The following PLEKHM3 variants were observed in gnomAD, a reference collection of about 807,000 sequenced individuals.
PLEKHM3 encodes pleckstrin homology domain containing M3, also known as pleckstrin homology domain-containing family M member 3.
In PLEKHM3, 45 loss-of-function variants were observed where a neutral mutation model predicts 81.8. The observed-to-expected ratio is 0.55, with a 90% confidence interval of 0.43 to 0.71. The LOEUF (loss-of-function observed/expected upper bound fraction) is 0.71. PLEKHM3 is among the 30% of genes least tolerant of loss of function. The pLI is 0.00. For missense variants in PLEKHM3, 788 were observed against 924.3 expected, an observed-to-expected ratio of 0.85 and a Z score of 1.91; for synonymous variants, 352 against 356.4, an observed-to-expected ratio of 0.99 and a Z score of 0.14.
chr2:207,841,480 A>AATATATAT (rs769138417), intron 7 of PLEKHM3, among the ~76,000 whole-genome samples: 1,353 of 36,708 alleles, frequency 0.037, 29 homozygotes, highest in Non-Finnish European at 0.043. Context: ...AAAAAAAAAA[A>AATATATAT]ATATATATAT....
At chr2:207,957,431 G>T (rs1256635689) in intron 3 of PLEKHM3, among the ~76,000 whole-genome samples, 2 of 152,216 alleles carry the variant, frequency 1.3e-5, no homozygotes, top group Non-Finnish European at 2.9e-5. Context: ...GGGCGCGGTG[G>T]CTCACGCCTG....
chr2:207,880,787 A>AAAAAAAAAAAAC (rs2092586482), intron 6 of PLEKHM3, among the ~76,000 whole-genome samples: 1 of 113,148 alleles, frequency 8.8e-6, no homozygotes, highest in African/African-American at 3.1e-5. Flanking sequence ...AAAAAAAAAA[A>AAAAAAAAAAAAC]ACCAAAAAAA....
chr2:207,996,217 T>C (rs973022052), intron 2 of PLEKHM3, among the ~76,000 whole-genome samples: 2 of 151,852 alleles, frequency 1.3e-5, no homozygotes, highest in Non-Finnish European at 2.9e-5. Context: ...AAATCAAAAG[T>C]GTTTGATTTT....
intron 6 of PLEKHM3, among the ~76,000 whole-genome samples, chr2:207,896,703 C>T (rs1042985188): frequency 1.3e-5 from 2 of 152,192 alleles, no homozygotes; most frequent in Non-Finnish European, 2.9e-5. Flanking sequence ...TCCCCTACTG[C>T]AAGGGAAGAA....
rs577806550 is a variant in PLEKHM3, at chr2:207,899,452, C to T, written c.1950+9062G>A. ...TCTAGTCCGTTTCTGAGAAAATGTG[C>T]CCTTTCAATTTCAGGGGTAACATGG... On this transcript the variant is annotated intron_variant, in intron 6 of 7. Coordinates refer to ENST00000427836, the MANE Select transcript of PLEKHM3 (RefSeq NM_001080475.3). Among the ~76,000 whole-genome samples the T allele has an allele frequency of 2.0e-5, 3 of 152,182 alleles. No individual in the cohort carries two copies. The South Asian group carries it at 6.2e-4, about 32-fold the overall frequency.
At chr2:207,993,434 G>C (rs1234848990) in intron 2 of PLEKHM3, among the ~76,000 whole-genome samples, 1 of 151,598 alleles carries the variant, frequency 6.6e-6, no homozygotes, top group Admixed American at 6.6e-5. Flanking sequence ...ACCTCTACTG[G>C]CTCCAAGGCT....
chr2:207,970,176 G>GA (rs964425735), intron 3 of PLEKHM3, among the ~76,000 whole-genome samples: 8 of 151,806 alleles, frequency 5.3e-5, no homozygotes, highest in African/African-American at 1.7e-4. Flanking sequence ...AGCTTTGGGG[G>GA]AAAAAATGCA....
intron 4 of PLEKHM3, among the ~76,000 whole-genome samples, chr2:207,936,708 T>C (rs1689764477): frequency 6.6e-6 from 1 of 152,174 alleles, no homozygotes; most frequent in Non-Finnish European, 1.5e-5. Context: ...GGAAGTTATC[T>C]ACAGATAGTT....
chr2:207,923,892 T>C (rs1326864437), intron 5 of PLEKHM3, among the ~76,000 whole-genome samples: 9 of 78,422 alleles, frequency 1.1e-4, no homozygotes, highest in African/African-American at 3.3e-4. Context: ...TATATATATA[T>C]ATATATATAT....
At chr2:207,833,111 C>CAAA (rs71036960) in intron 7 of PLEKHM3, among the ~76,000 whole-genome samples, 18 of 76,782 alleles carry the variant, frequency 2.3e-4, no homozygotes, top group East Asian at 3.5e-4. Flanking sequence ...GACACCATCT[C>CAAA]AAAAAAAAAA....
chr2:207,897,243 G>T (rs1688255936), intron 6 of PLEKHM3, among the ~76,000 whole-genome samples: 2 of 152,170 alleles, frequency 1.3e-5, no homozygotes, highest in Non-Finnish European at 2.9e-5. Flanking sequence ...CGGAACATGA[G>T]GGGGAAAACT....
intron 5 of PLEKHM3, among the ~76,000 whole-genome samples, chr2:207,917,581 G>A (rs1689032568): frequency 1.3e-5 from 2 of 152,074 alleles, no homozygotes; most frequent in South Asian, 2.1e-4. Flanking sequence ...GGTGGCTCAC[G>A]CTTGTAATCC....
Position 207,835,348 on chromosome 2 carries a change from G to A in PLEKHM3, c.2109-6852C>T, listed in dbSNP as rs938312592. 7.2e-5 allele frequency among the ~76,000 whole-genome samples: 11 copies of A among 152,258 alleles called. No homozygotes were observed. The East Asian group carries it at 9.7e-4, about 13-fold the overall frequency. Reference sequence around the variant, plus strand: ...GAGTGAGGAGCCCCGAGTCCTTGGCGCAGGTTGGCCTTGGTGTCACAGGGG... The same window carrying A: ...GAGTGAGGAGCCCCGAGTCCTTGGCACAGGTTGGCCTTGGTGTCACAGGGG... On this transcript the variant is annotated intron_variant, in intron 7 of 7. Transcript: ENST00000427836.
At chr2:207,945,698 T>C (rs1690100446) in intron 4 of PLEKHM3, among the ~76,000 whole-genome samples, 1 of 152,180 alleles carries the variant, frequency 6.6e-6, no homozygotes, top group South Asian at 2.1e-4. Context: ...GGTCACGAGT[T>C]TGAGACCAGC....
At chr2:208,011,082 A>C (rs1373663231) in intron 1 of PLEKHM3, among the ~76,000 whole-genome samples, 1 of 150,806 alleles carries the variant, frequency 6.6e-6, no homozygotes, top group Non-Finnish European at 1.5e-5. Context: ...AAAAAAAAAA[A>C]ACAAAATAGA....
At chr2:207,924,893 G>A (rs1463602030) in intron 5 of PLEKHM3, among the ~76,000 whole-genome samples, 3 of 152,100 alleles carry the variant, frequency 2.0e-5, no homozygotes, top group African/African-American at 7.2e-5. Context: ...GGAGAAGGGG[G>A]AGACTCGGAC....
At chr2:207,834,423 C>A (rs184059662) in intron 7 of PLEKHM3, among the ~76,000 whole-genome samples, 2 of 131,066 alleles carry the variant, frequency 1.5e-5, no homozygotes, top group African/African-American at 6.1e-5. Context: ...AGCCACCGCG[C>A]CCAGCCTCTT....
At chr2:207,934,230 G>A (rs985719037) in intron 4 of PLEKHM3, among the ~76,000 whole-genome samples, 2 of 152,078 alleles carry the variant, frequency 1.3e-5, no homozygotes, top group Admixed American at 1.3e-4. Context: ...CCAACTAAGA[G>A]CTAAGAGCTA....
chr2:207,825,378 T>A lies in PLEKHM3; in HGVS notation c.*2941A>T, dbSNP rs529015286. 1 of 152,088 alleles carries A rather than the reference T, an allele frequency of 6.6e-6. No homozygotes were observed. The highest frequency in any genetic ancestry group is 1.9e-4 in the East Asian group (1 of 5,188). The allele number at this position is 152,088 out of a possible 1,614,324, so 9.4% of individuals were successfully genotyped here. A position where few individuals can be genotyped will look rare whatever the true frequency, so the allele number is the denominator to read the frequency against. On this transcript the variant is annotated 3_prime_UTR_variant, in exon 8 of 8. Transcript: ENST00000427836. ...TCAGTTGCCAGCTCCAGGAGATTAA[T>A]TGGCCATTTTTTCATATGTTTTATG... is the stretch of plus-strand genomic sequence containing the variant.
Sources: gnomAD v4.1 joint callset for allele counts (sites outside exome capture counted in the v4.1 genomes callset) on GRCh38, gnomAD v4.1.1 for gene constraint, MANE v1.5 for transcripts, NCBI Gene and HGNC (gene_info 2026-07-23, HGNC 2026-07-21) for gene names.